The following PCNX3 variants were observed in gnomAD, a reference collection of about 807,000 sequenced individuals.
The protein encoded by PCNX3 is pecanex-like protein 3.
Under a neutral mutation model 207.2 loss-of-function variants are expected in PCNX3, and 58 were observed. The ratio of observed to expected loss-of-function variants is 0.28; its 90% CI spans 0.23 to 0.35. The LOEUF (loss-of-function observed/expected upper bound fraction) is 0.35. Ranked by LOEUF, PCNX3 falls within the 10% of genes least tolerant of loss-of-function variation. The pLI, the probability that PCNX3 is intolerant of heterozygous loss-of-function variation, is 1.00. For missense variants in PCNX3, 2,410 were observed against 2,774.4 expected (o/e 0.87, Z 2.95); for synonymous variants, 1,337 against 1,183.5 (o/e 1.13, Z -2.66).
At position 65,628,830 on chromosome 11, in the gene PCNX3, C is replaced by G; in HGVS notation, c.3823C>G (p.Leu1275Val). The G allele has an allele frequency of 6.2e-7, 1 of 1,611,760 alleles. No homozygotes were observed. Among genetic ancestry groups the G allele is most frequent in the Non-Finnish European group, 8.5e-7 (1 of 1,179,798 alleles). ...TGACTGTGGCTCAGACTCGGCCATGCTGTTCGTCCAGGCCCTGCTCTCGGG... is the reference window on the plus strand; with the variant it reads ...TGACTGTGGCTCAGACTCGGCCATGGTGTTCGTCCAGGCCCTGCTCTCGGG... Reference protein sequence around the residue: ...QPFAVPHSAMLFVQALLSGLF... With the variant: ...QPFAVPHSAMVFVQALLSGLF... Residue 1275 changes from leucine (L) to valine (V), a missense_variant, in exon 24 of 35, where the codon CTG becomes GTG. Around this residue, in one of 8 missense-constraint regions of PCNX3, gnomAD observed 420 missense variants for 705.3 expected, o/e 0.60. Transcript: ENST00000355703.
chr11:65,619,793 C>G lies in PCNX3; in HGVS notation c.1869C>G (p.His623Gln), dbSNP rs199865661. 32 of 1,587,478 alleles carry G rather than the reference C, an allele frequency of 2.0e-5. No homozygotes were observed. ...QEAQRGRAAS[H>Q]SRALTLPSAL... is the part of the protein sequence containing the mutation. ...CTCAGCGGGGCCGGGCTGCCTCCCACTCCCGGGCGCTGACGCTGCCCTCTG... is the reference window on the plus strand; with the variant it reads ...CTCAGCGGGGCCGGGCTGCCTCCCAGTCCCGGGCGCTGACGCTGCCCTCTG... Residue 623 changes from histidine (H) to glutamine (Q), a missense_variant, in exon 8 of 35, where the codon CAC becomes CAG. By Grantham distance (24) the His-to-Gln change is conservative. Around this residue, in one of 8 missense-constraint regions of PCNX3, gnomAD observed 1,104 missense variants for 970.3 expected, o/e 1.14. Transcript: ENST00000355703.
chr11:65,619,203 T>C (rs1590872164), intron 6 of PCNX3, 136 bp downstream of exon 6: 1 of 828,624 alleles, frequency 1.2e-6, no homozygotes, highest in Admixed American at 2.7e-5. Context: ...GTGGGCCTGG[T>C]GGTGATTGAC....
In PCNX3 at chr11:65,618,112, C is replaced by T; in HGVS notation, c.750C>T (p.Ser250=). Reference sequence around the variant, plus strand: ...AGGGGAGCCTCAGCCAGGAGCTGAGCAAGAGCTTCCTGACCCTGACCCAGC... The same window carrying T: ...AGGGGAGCCTCAGCCAGGAGCTGAGTAAGAGCTTCCTGACCCTGACCCAGC... ...LLKGSLSQEL[S]KSFLTLTQPD... Residue 250 remains serine (S), a synonymous_variant, in exon 6 of 35, where the codon AGC becomes AGT. Transcript: ENST00000355703. 2 of 1,611,152 alleles carry T rather than the reference C, an allele frequency of 1.2e-6. No individual in the cohort carries two copies. The highest frequency in any genetic ancestry group is 1.7e-6 in the Non-Finnish European group (2 of 1,179,078).
rs751013006 is a variant in PCNX3, at chr11:65,619,931, C to T, written c.2007C>T (p.Ser669=). ...EGAVHYFYDE[S]GVRRSYTFGL... ...CTGTGCACTATTTCTACGATGAGAG[C>T]GGTGAGCCTTTCCCAAGCCCGGTGG... is the stretch of plus-strand genomic sequence containing the variant. The change falls in exon 8 of 35, where the codon AGC becomes AGT. Residue 669 remains serine (S), a splice_region_variant and synonymous_variant. Transcript: ENST00000355703. The T allele has an allele frequency of 1.3e-5, 20 of 1,595,738 alleles. No homozygotes were observed. Among genetic ancestry groups the T allele is most frequent in the African/African-American group, 2.7e-5 (2 of 74,604 alleles).
chr11:65,636,689 G>T lies in PCNX3; in HGVS notation c.5892G>T (p.Gln1964His). 6.3e-7 allele frequency: 1 copy of T among 1,577,814 alleles called. No individual in the cohort carries two copies. Among genetic ancestry groups the T allele is most frequent in the East Asian group, 2.3e-5 (1 of 43,300 alleles). Residue 1964 changes from glutamine (Q) to histidine (H), a missense_variant and splice_region_variant, in exon 34 of 35, where the codon CAG becomes CAT. Transcript: ENST00000355703. ...CCAAAGGAGGTACCCCCAAATCTCA[G>T]GTAAGGCACCTGTGGGAGGGTTGGG... ...GSPKGGTPKS[Q>H]APLDLSLSLS... is the part of the protein sequence containing the mutation.
At chr11:65,616,616 C>T (rs768170189) in intron 1 of PCNX3, among the ~76,000 whole-genome samples, 152 bp downstream of exon 1, 62 of 152,168 alleles carry the variant, frequency 4.1e-4, no homozygotes, top group Non-Finnish European at 7.4e-4. Context: ...GTCTTCCTTT[C>T]TTGGATCGAG....
At chr11:65,621,091 C>T (rs1297896562) in intron 10 of PCNX3, 125 bp downstream of exon 10, 1 of 1,244,944 alleles carries the variant, frequency 8.0e-7, no homozygotes, top group East Asian at 2.6e-5. Flanking sequence ...TGAGTGAGCG[C>T]TCCAGGGGCC....
rs904144902 is a variant in PCNX3, at chr11:65,632,407, G to A, written c.4471-1719G>A. 9.3e-5 allele frequency among the ~76,000 whole-genome samples: 14 copies of A among 151,212 alleles called. No individual in the cohort carries two copies. In the South Asian group the frequency reaches 1.1e-3, roughly 11 times the overall value. ...TTCCAGCCTTCGAGGTTGGCCAGTC[G>A]AGGCGGAGCCCCTCCCGTTAGCTTT... On this transcript the variant is annotated intron_variant, in intron 27 of 34. Coordinates refer to ENST00000355703, the MANE Select transcript of PCNX3 (RefSeq NM_032223.4).
chr11:65,627,568 C>T lies in PCNX3; in HGVS notation c.3688C>T (p.Leu1230=). The part of the protein sequence containing the change: ...GFLLDYFLMS[L]LCSKLWDLLY... ...TCTGCTTGACTACTTCCTCATGTCC[C>T]TGCTTTGCAGCAAGGTGAGTTGGTG... is the stretch of plus-strand genomic sequence containing the variant. The change falls in exon 22 of 35, where the codon CTG becomes TTG. Residue 1230 remains leucine (L), a synonymous_variant. Transcript: ENST00000355703. 3 of 1,613,868 alleles carry T rather than the reference C, an allele frequency of 1.9e-6. No individual in the cohort carries two copies. Among genetic ancestry groups the T allele is most frequent in the Non-Finnish European group, 2.5e-6 (3 of 1,179,868 alleles).
At chr11:65,620,075 G>A (rs1855004417) in intron 8 of PCNX3, 143 bp downstream of exon 8, 4 of 981,558 alleles carry the variant, frequency 4.1e-6, no homozygotes, top group South Asian at 1.7e-5. Context: ...CCTCTTTGAG[G>A]CACGGTGTCT....
intron 8 of PCNX3, 102 bp downstream of exon 8, chr11:65,620,034 C>G: frequency 2.5e-6 from 3 of 1,207,472 alleles, no homozygotes; most frequent in Non-Finnish European, 3.4e-6. Context: ...GGCAGGTACA[C>G]TGCTAATGCT....
intron 3 of PCNX3, 60 bp downstream of exon 3, chr11:65,617,409 G>A: frequency 6.2e-7 from 1 of 1,613,472 alleles, no homozygotes; most frequent in South Asian, 1.1e-5. Context: ...TCCCTACTGT[G>A]GGTGCATCCT....
At chr11:65,630,955 A>G (rs1202245108) in intron 27 of PCNX3, among the ~76,000 whole-genome samples, 1 of 152,242 alleles carries the variant, frequency 6.6e-6, no homozygotes, top group East Asian at 1.9e-4. Context: ...GTTAACGATC[A>G]TCATGGGAGC....
chr11:65,624,010 C>A lies in PCNX3; in HGVS notation c.2544+49C>A, dbSNP rs762784281. ...TCTGGCCAGGAGGCCCCGGGAGGGGCTGAGACCAGGTGGGGAGGAGGGTAG... is the reference window on the plus strand; with the variant it reads ...TCTGGCCAGGAGGCCCCGGGAGGGGATGAGACCAGGTGGGGAGGAGGGTAG... On this transcript the variant is annotated intron_variant, in intron 13 of 34. Transcript: ENST00000355703. 85 of 1,606,008 alleles carry A rather than the reference C, an allele frequency of 5.3e-5. No homozygotes were observed. The African/African-American group carries it at 9.5e-4, about 18-fold the overall frequency.
At position 65,629,747 on chromosome 11, in the gene PCNX3, G is replaced by A. The variant is rs959427591; in HGVS notation, c.4216+12G>A. The A allele has an allele frequency of 6.5e-7, 1 of 1,548,992 alleles. No homozygotes were observed. Among genetic ancestry groups the A allele is most frequent in the Non-Finnish European group, 8.7e-7 (1 of 1,146,984 alleles). ...CCTTGAGTTCCGGGGTGAGCCGCAGGACCAGGCTCGGGTGGGCAGGCACAG... is the reference window on the plus strand; with the variant it reads ...CCTTGAGTTCCGGGGTGAGCCGCAGAACCAGGCTCGGGTGGGCAGGCACAG... On this transcript the variant is annotated intron_variant, in intron 26 of 34. Coordinates refer to ENST00000355703, the MANE Select transcript of PCNX3 (RefSeq NM_032223.4).
intron 13 of PCNX3, 56 bp from the exon 14 acceptor site, chr11:65,624,139 G>C: frequency 6.4e-7 from 1 of 1,571,886 alleles, no homozygotes; most frequent in Admixed American, 1.8e-5. Flanking sequence ...GTGTGTGCAT[G>C]TGTCAGAGGT....
rs1290597205 is a variant in PCNX3, at chr11:65,629,596, C to T, written c.4077C>T (p.Asp1359=). ...CGCTGCAGCACACACTGTGTGGGGACCTGGTGCTGGGCCGCTGGGGCAACT... is the reference window on the plus strand; with the variant it reads ...CGCTGCAGCACACACTGTGTGGGGATCTGGTGCTGGGCCGCTGGGGCAACT... ...TRSLQHTLCG[D]LVLGRWGNYG... The change falls in exon 26 of 35, where the codon GAC becomes GAT. Residue 1359 remains aspartate (D), a synonymous_variant. Transcript: ENST00000355703. 2 of 1,613,012 alleles carry T rather than the reference C, an allele frequency of 1.2e-6. No individual in the cohort carries two copies. Among genetic ancestry groups the T allele is most frequent in the Admixed American group, 1.7e-5 (1 of 59,916 alleles).
rs532048065 is a variant in PCNX3 at position 65,623,662 on chromosome 11, G to C, written c.2511+18G>C. 5 of 1,607,524 alleles carry C rather than the reference G, an allele frequency of 3.1e-6. No homozygotes were observed. The South Asian group carries it at 3.3e-5, about 11-fold the overall frequency. ...TGCTGAAGGTCAGGCCGGGCTCTCT[G>C]TGTTTCCTTCCCCACCCGACTTTTC... On this transcript the variant is annotated intron_variant, in intron 12 of 34. Transcript: ENST00000355703.
At chr11:65,619,158 G>A in intron 6 of PCNX3, 91 bp downstream of exon 6, 1 of 1,073,134 alleles carries the variant, frequency 9.3e-7, no homozygotes. Flanking sequence ...CCTGGTCAGT[G>A]TCAGCTCAGC....
Sources: gnomAD v4.1 joint callset for allele counts (sites outside exome capture counted in the v4.1 genomes callset) on GRCh38, gnomAD v4.1.1 for gene constraint, gnomAD v4.1.1 regional missense constraint, MANE v1.5 for transcripts, NCBI Gene and HGNC (gene_info 2026-07-23, HGNC 2026-07-21) for gene names.